PYY: variants seen among roughly 807,000 people sequenced by gnomAD.
The protein encoded by PYY is peptide tyrosine tyrosine.
PYY carries 12 observed loss-of-function variants against 10.3 expected under a neutral mutation model. That is an observed-to-expected ratio of 1.17 (90% CI 0.75 to 1.89). PYY has a LOEUF of 1.89. Ranked by LOEUF, PYY falls within the 40% of genes most tolerant of loss-of-function variation. The probability of loss-of-function intolerance (pLI) is 0.00; values close to 1 mark genes in which losing one functional copy is unlikely to be tolerated. For missense variants in PYY, 141 were observed against 134.0 expected, an observed-to-expected ratio of 1.05 and a Z score of -0.26; for synonymous variants, 66 against 62.0, an observed-to-expected ratio of 1.06 and a Z score of -0.30.
chr17:43,976,212 T>TATATACAC (rs1309157658), intron 1 of PYY, among the ~76,000 whole-genome samples: 2 of 129,818 alleles, frequency 1.5e-5, no homozygotes, highest in Non-Finnish European at 3.2e-5. Context: ...TACATATACG[T>TATATACAC]ATATGTATAC....
At chr17:43,957,989 CAA>C (rs1182965436), upstream of PYY, 1 of 154,510 alleles carries the variant, frequency 6.5e-6, no homozygotes, top group East Asian at 1.9e-4. Context: ...GCTGCGCGCC[CAA>C]GGCTCAGGCT....
chr17:43,977,213 A>G (rs905790590), intron 1 of PYY, among the ~76,000 whole-genome samples: 1 of 152,114 alleles, frequency 6.6e-6, no homozygotes, highest in Admixed American at 6.5e-5. Flanking sequence ...AGGGATGGCA[A>G]TTCATTTACC....
chr17:43,989,595 T>C (rs1249106009), intron 1 of PYY, among the ~76,000 whole-genome samples: 1 of 151,606 alleles, frequency 6.6e-6, no homozygotes. Flanking sequence ...TAACTGTTTT[T>C]TAAATGAAGG....
At chr17:43,974,908 G>A (rs1459409752) in intron 1 of PYY, among the ~76,000 whole-genome samples, 1 of 152,018 alleles carries the variant, frequency 6.6e-6, no homozygotes, top group African/African-American at 2.4e-5. Flanking sequence ...ATGGGGGGGA[G>A]GATAGGGAAA....
At chr17:43,964,818 A>G (rs1437808056) in intron 2 of PYY, among the ~76,000 whole-genome samples, 1 of 152,186 alleles carries the variant, frequency 6.6e-6, no homozygotes, top group East Asian at 1.9e-4. Flanking sequence ...GAAAAAAAAA[A>G]TCAACTGTTT....
intron 2 of PYY, among the ~76,000 whole-genome samples, chr17:43,965,632 A>G (rs981022723): frequency 6.6e-6 from 1 of 151,428 alleles, no homozygotes; most frequent in African/African-American, 2.4e-5. Context: ...TGTACCCAAA[A>G]TACAAAGTTG....
intron 2 of PYY, among the ~76,000 whole-genome samples, chr17:43,963,630 A>AAG (rs2048734344): frequency 6.9e-6 from 1 of 145,238 alleles, no homozygotes; most frequent in African/African-American, 2.6e-5. Flanking sequence ...AAGAAAGAGA[A>AAG]AGAAAGAAAA....
At chr17:43,982,515 C>A (rs1409919789) in intron 1 of PYY, among the ~76,000 whole-genome samples, 2 of 152,120 alleles carry the variant, frequency 1.3e-5, no homozygotes, top group Non-Finnish European at 2.9e-5. Context: ...AACACTTGTA[C>A]TTGGTAGGCT....
Position 43,953,356 on chromosome 17 carries a change from T to C in PYY, c.128A>G (p.Glu43Gly). Residue 43 changes from glutamate to glycine, a missense_variant, in exon 2 of 4, where the codon GAG (glutamate) becomes GGG (glycine). Glu to Gly is a moderately conservative substitution (Grantham distance 98). Coordinates refer to ENST00000692052, the MANE Select transcript of PYY (RefSeq NM_001394028.1). ...PEAPREDASPEELNRYYASLR... is the reference protein window; with the variant it reads ...PEAPREDASPGELNRYYASLR... ...GGAGGCGTAGTAGCGGTTCAGCTCC[T>C]CCGGCGAGGCGTCTTCGCGGGGAGC... is the stretch of plus-strand genomic sequence containing the variant. The C allele has an allele frequency of 6.2e-7, 1 of 1,612,506 alleles. No homozygotes were observed. Among genetic ancestry groups the C allele is most frequent in the Non-Finnish European group, 8.5e-7 (1 of 1,179,410 alleles).
chr17:43,963,983 C>T (rs1232015504), intron 2 of PYY, among the ~76,000 whole-genome samples: 2 of 152,202 alleles, frequency 1.3e-5, no homozygotes, highest in Non-Finnish European at 2.9e-5. Context: ...GCACTCCAGC[C>T]TGGTGACAGA....
At chr17:43,984,282 G>A (rs542080887) in intron 1 of PYY, among the ~76,000 whole-genome samples, 4 of 152,190 alleles carry the variant, frequency 2.6e-5, no homozygotes, top group Non-Finnish European at 5.9e-5. Context: ...GTCGGTCCTG[G>A]CCTCCTTTTC....
At chr17:43,970,365 G>A (rs1168525574) in intron 1 of PYY, among the ~76,000 whole-genome samples, 1 of 151,986 alleles carries the variant, frequency 6.6e-6, no homozygotes, top group Non-Finnish European at 1.5e-5. Context: ...AAAATTCCTG[G>A]GCGTGGTGGC....
intron 1 of PYY, among the ~76,000 whole-genome samples, chr17:44,000,782 T>C (rs921343939): frequency 2.6e-5 from 4 of 151,928 alleles, no homozygotes; most frequent in Non-Finnish European, 5.9e-5. Context: ...CTCAAACTCC[T>C]GACCTCAAGT....
intron 2 of PYY, among the ~76,000 whole-genome samples, chr17:43,962,653 G>T (rs2048720552): frequency 6.6e-6 from 1 of 152,178 alleles, no homozygotes; most frequent in South Asian, 2.1e-4. Context: ...CATTCCCCAG[G>T]GGCGGGTTTA....
chr17:44,000,137 C>T (rs1487185320), intron 1 of PYY, among the ~76,000 whole-genome samples: 2 of 152,156 alleles, frequency 1.3e-5, no homozygotes, highest in South Asian at 2.1e-4. Flanking sequence ...CCCACCTCCG[C>T]GTCCTGAGTA....
At chr17:43,953,768 AC>A in intron 1 of PYY, 81 bp downstream of exon 1, 2 of 271,262 alleles carry the variant, frequency 7.4e-6, no homozygotes, top group East Asian at 5.8e-5. Flanking sequence ...CCTACCACTC[AC>A]CCCCAGCTTC....
intron 1 of PYY, among the ~76,000 whole-genome samples, chr17:43,999,479 C>G (rs1305253572): frequency 6.6e-6 from 1 of 151,992 alleles, no homozygotes; most frequent in Non-Finnish European, 1.5e-5. Context: ...CACGGTCGCT[C>G]ACGCCTGTAA....
At chr17:43,960,828 T>G (rs2143899207) in intron 2 of PYY, among the ~76,000 whole-genome samples, 1 of 141,528 alleles carries the variant, frequency 7.1e-6, no homozygotes, top group African/African-American at 2.6e-5. Flanking sequence ...CCAACCTGGG[T>G]GATAGAGTAA....
chr17:44,002,150 A>G (rs567871847), intron 1 of PYY, among the ~76,000 whole-genome samples: 4 of 152,238 alleles, frequency 2.6e-5, no homozygotes, highest in African/African-American at 4.8e-5. Context: ...AAAAAACTCA[A>G]TGAGGAGGTC....
Sources: allele counts gnomAD v4.1 joint callset (sites outside exome capture counted in the v4.1 genomes callset), GRCh38; gene constraint gnomAD v4.1.1; transcripts MANE v1.5; gene names NCBI Gene and HGNC (gene_info 2026-07-23, HGNC 2026-07-21).